The following GPHN variants were observed in gnomAD, a reference collection of about 807,000 sequenced individuals.
GPHN encodes gephyrin.
Under a neutral mutation model 95.5 loss-of-function variants are expected in GPHN, and 17 were observed. The ratio of observed to expected loss-of-function variants is 0.18; its 90% CI spans 0.12 to 0.27. GPHN has a LOEUF of 0.27. Among genes scored for constraint, GPHN ranks in the 10% least tolerant of loss-of-function variants. GPHN has a pLI of 1.00. For missense variants in GPHN, 660 were observed against 978.1 expected (o/e 0.67, Z 4.34); for synonymous variants, 320 against 322.5 (o/e 0.99, Z 0.08).
At chr14:67,574,146 C>T in the GPHN span, 5 of 1,128,868 alleles carry the variant, frequency 4.4e-6, no homozygotes, top group Non-Finnish European at 6.2e-6. This position sits in a 1 kb window ranked among gnomAD's most constrained non-coding sequence, Gnocchi z 4.2. Flanking sequence ...GAAGGCCAGC[C>T]CCTTGGGTTC....
At chr14:67,180,730 T>C in intron 22 of GPHN, 74 bp from the exon 23 acceptor site, 3 of 1,443,754 alleles carry the variant, frequency 2.1e-6, no homozygotes, top group Non-Finnish European at 9.6e-7. Context: ...GTTTACATTT[T>C]GAAAAGGTCT....
intron 9 of GPHN, among the ~76,000 whole-genome samples, chr14:66,975,005 A>G (rs1266398626): frequency 6.6e-6 from 1 of 152,196 alleles, no homozygotes. Flanking sequence ...TGATTAAAAT[A>G]TAAGTACTCA....
chr14:67,191,141 T>A, the GPHN span, among the ~76,000 whole-genome samples: 1 of 152,044 alleles, frequency 6.6e-6, no homozygotes, highest in Non-Finnish European at 1.5e-5. Flanking sequence ...GGCTGAAGCA[T>A]GAGAATCACT....
chr14:66,710,959 G>A (rs1342218831), intron 2 of GPHN, among the ~76,000 whole-genome samples: 3 of 152,196 alleles, frequency 2.0e-5, no homozygotes, highest in Non-Finnish European at 2.9e-5. Flanking sequence ...CATACTCTAA[G>A]AAAGGTCCAC....
chr14:67,290,273 T>G, the GPHN span, among the ~76,000 whole-genome samples: 12,106 of 152,198 alleles, frequency 0.08, 1,142 homozygotes, highest in African/African-American at 0.23. Flanking sequence ...TAAAGAAAGA[T>G]CAGGTACTTG....
chr14:67,224,114 AAAGTT>A, the GPHN span: 3 of 663,566 alleles, frequency 4.5e-6, no homozygotes, highest in Non-Finnish European at 5.6e-6. Flanking sequence ...GCAGTTTGCG[AAAGTT>A]AAATTTTTTT....
intron 10 of GPHN, among the ~76,000 whole-genome samples, chr14:67,040,938 G>C (rs1263706594): frequency 6.6e-6 from 1 of 152,150 alleles, no homozygotes; most frequent in Non-Finnish European, 1.5e-5. Context: ...TAAATATCTT[G>C]TAGGGATATA....
At chr14:67,591,159 G>A in the GPHN span, among the ~76,000 whole-genome samples, 91,453 of 152,018 alleles carry the variant, frequency 0.6, 28,117 homozygotes, top group Non-Finnish European at 0.68. Context: ...GTAGTTTAAA[G>A]TAAGAGGAAA....
the GPHN span, among the ~76,000 whole-genome samples, chr14:67,374,968 T>C: frequency 1.3e-5 from 2 of 152,180 alleles, no homozygotes; most frequent in Admixed American, 6.5e-5. Flanking sequence ...CCAGCTGTTA[T>C]ATGTTAAGAA....
At chr14:66,738,334 T>G (rs2153437940) in intron 2 of GPHN, among the ~76,000 whole-genome samples, 1 of 152,246 alleles carries the variant, frequency 6.6e-6, no homozygotes, top group African/African-American at 2.4e-5. Context: ...AAGAACAGTC[T>G]GTTGTCACAG....
At chr14:67,559,778 G>T in the GPHN span, 1 of 833,766 alleles carries the variant, frequency 1.2e-6, no homozygotes, top group South Asian at 1.4e-5. Flanking sequence ...CTACTGTCTA[G>T]GGTGCCTCGG....
the GPHN span, among the ~76,000 whole-genome samples, chr14:67,546,549 C>A: frequency 7.9e-5 from 12 of 152,220 alleles, no homozygotes; most frequent in East Asian, 2.3e-3. Context: ...CGCCACCACG[C>A]CCAGCTAATT....
chr14:66,683,872 G>A (rs962296001), intron 2 of GPHN, among the ~76,000 whole-genome samples: 17 of 151,368 alleles, frequency 1.1e-4, no homozygotes, highest in African/African-American at 2.4e-4. Context: ...AGCTACTCAG[G>A]AGGCCAAGGC....
At chr14:67,363,003 A>G in the GPHN span, among the ~76,000 whole-genome samples, 1 of 152,310 alleles carries the variant, frequency 6.6e-6, no homozygotes, top group South Asian at 2.1e-4. Context: ...TTTTTTAACC[A>G]TCAAATTAAG....
At chr14:67,697,429 C>T in the GPHN span, among the ~76,000 whole-genome samples, 1 of 152,148 alleles carries the variant, frequency 6.6e-6, no homozygotes, top group Non-Finnish European at 1.5e-5. Flanking sequence ...GCAGGGTGCA[C>T]TAGAGCAACA....
At chr14:66,955,014 A>G (rs1412802901) in intron 8 of GPHN, among the ~76,000 whole-genome samples, 1 of 152,138 alleles carries the variant, frequency 6.6e-6, no homozygotes, top group Non-Finnish European at 1.5e-5. Flanking sequence ...GTTGTTTCCT[A>G]GTATTTTGTT....
chr14:67,640,699 C>T, the GPHN span, among the ~76,000 whole-genome samples: 18 of 152,306 alleles, frequency 1.2e-4, no homozygotes, highest in Admixed American at 5.9e-4. Context: ...TGTCAATGTT[C>T]TGTTCTCTGA....
chr14:67,277,479 A>G, the GPHN span, among the ~76,000 whole-genome samples: 2 of 152,112 alleles, frequency 1.3e-5, no homozygotes, highest in Non-Finnish European at 2.9e-5. Context: ...TATTAGGAAT[A>G]TTATCTGAAA....
At chr14:66,644,026 T>G (rs1182123521) in intron 1 of GPHN, among the ~76,000 whole-genome samples, 1 of 151,924 alleles carries the variant, frequency 6.6e-6, no homozygotes, top group Non-Finnish European at 1.5e-5. Flanking sequence ...ATAGCTTAAT[T>G]ATTTGGGGGC....
Sources: gnomAD v4.1 joint callset for allele counts (sites outside exome capture counted in the v4.1 genomes callset) on GRCh38, gnomAD v4.1.1 for gene constraint, Gnocchi (gnomAD v3.1) non-coding constraint, MANE v1.5 for transcripts, NCBI Gene and HGNC (gene_info 2026-07-23, HGNC 2026-07-21) for gene names.